Variants in LRFN1 observed in about 807,000 individuals in gnomAD.
The protein encoded by LRFN1 is leucine-rich repeat and fibronectin type III domain-containing protein 1.
Under a neutral mutation model 31.8 loss-of-function variants are expected in LRFN1, and 20 were observed. The observed-to-expected ratio is 0.63, with a 90% CI of 0.44 to 0.91. The LOEUF (loss-of-function observed/expected upper bound fraction) is 0.91. Ranked by LOEUF, LRFN1 falls within the 40% of genes least tolerant of loss-of-function variation. LRFN1 has a pLI of 0.00. For missense variants in LRFN1, 912 were observed against 1,129.8 expected (o/e 0.81, Z 2.76); for synonymous variants, 514 against 541.3 (o/e 0.95, Z 0.70).
Position 39,315,518 on chromosome 19 carries a change from A to G in LRFN1, c.-37-145T>C, listed in dbSNP as rs2075169379. On this transcript the variant is annotated intron_variant, in intron 3 of 4. Transcript: ENST00000248668. The surrounding 1 kb of genome is among the most constrained non-coding windows in gnomAD (Gnocchi z 4.7). The stretch of plus-strand genomic sequence containing the variant: ...AGGAAGCCACTATCAGCTATTAACA[A>G]CAGATTACAACACTTCCATGCTGGG... 3 of 552,760 alleles carry G rather than the reference A, an allele frequency of 5.4e-6. No homozygotes were observed. Among genetic ancestry groups the G allele is most frequent in the Non-Finnish European group, 9.4e-6 (3 of 319,658 alleles). 34.2% of individuals were successfully genotyped at this position (552,760 alleles called of 1,614,324 possible). A position where few individuals can be genotyped will look rare whatever the true frequency, so the allele number is the denominator to read the frequency against.
Position 39,307,668 on chromosome 19 carries a change from T to G in LRFN1, c.2281A>C (p.Thr761Pro). ...CTCTCCAGCATCCACTCGGTGCTGG[T>G]GAAAGCCAGGCACGCCCTGGCGGAG... Reference protein sequence around the residue: ...LGSARACLAFTSTEWMLESTV With the variant: ...LGSARACLAFPSTEWMLESTV Residue 761 changes from threonine to proline, a missense_variant, in exon 5 of 5, where the codon ACC becomes CCC. Physicochemically the swap from Thr to Pro is conservative, Grantham distance 38. Coordinates refer to ENST00000248668, the MANE Select transcript of LRFN1 (RefSeq NM_020862.2). This position sits in a 1 kb window ranked among gnomAD's most constrained non-coding sequence, Gnocchi z 6.7. 1 of 1,494,098 alleles carries G rather than the reference T, an allele frequency of 6.7e-7. No homozygotes were observed. Among genetic ancestry groups the G allele is most frequent in the Non-Finnish European group, 8.8e-7 (1 of 1,130,520 alleles). 92.6% of individuals were successfully genotyped at this position (1,494,098 alleles called of 1,614,324 possible). A position where few individuals can be genotyped will look rare whatever the true frequency, so the allele number is the denominator to read the frequency against.
chr19:39,311,246 G>A (rs752504945), intron 4 of LRFN1, among the ~76,000 whole-genome samples: 34 of 152,188 alleles, frequency 2.2e-4, no homozygotes, highest in Non-Finnish European at 4.6e-4. Flanking sequence ...TAACCCCTGC[G>A]GCACCATAGC....
At chr19:39,310,355 G>A (rs2075146480) in intron 4 of LRFN1, among the ~76,000 whole-genome samples, 1 of 152,224 alleles carries the variant, frequency 6.6e-6, no homozygotes, top group Non-Finnish European at 1.5e-5. Context: ...GAATGAATGA[G>A]TTAACACAGC....
Position 39,307,951 on chromosome 19 carries a change from C to G in LRFN1, c.1998G>C (p.Ala666=), listed in dbSNP as rs748905761. The G allele has an allele frequency of 3.2e-6, 5 of 1,566,612 alleles. No homozygotes were observed. In the African/African-American group the frequency reaches 5.5e-5, roughly 17 times the overall value. Residue 666 remains alanine, a synonymous_variant, in exon 5 of 5, where the codon GCG becomes GCC. Transcript: ENST00000248668. This position sits in a 1 kb window ranked among gnomAD's most constrained non-coding sequence, Gnocchi z 6.7. ...CGGATCGGCTCCTTCGAGGGCCCAC[C>G]GCGGCCCGAGACTCCTCCCCGGAAG... The part of the protein sequence containing the change: ...EETSGEESRA[A]VGPRRSRSGA...
chr19:39,308,256 C>G lies in LRFN1; in HGVS notation c.1693G>C (p.Gly565Arg), dbSNP rs760567296. The change falls in exon 5 of 5, where the codon GGG becomes CGG. Residue 565 changes from glycine to arginine, a missense_variant. Coordinates refer to ENST00000248668, the MANE Select transcript of LRFN1 (RefSeq NM_020862.2). This position sits in a 1 kb window ranked among gnomAD's most constrained non-coding sequence, Gnocchi z 6.2. ...LMIRYKVYGD[G>R]DSRRVKGSRS... ...GAGCCCTTGACGCGGCGGCTGTCCC[C>G]GTCGCCATACACCTTATAGCGGATC... 2 of 1,612,810 alleles carry G rather than the reference C, an allele frequency of 1.2e-6. No homozygotes were observed. The highest frequency in any genetic ancestry group is 2.2e-5 in the East Asian group (1 of 44,848).
chr19:39,320,016 GC>G (rs1041963411), intron 1 of LRFN1, among the ~76,000 whole-genome samples: 1 of 150,528 alleles, frequency 6.6e-6, no homozygotes, highest in African/African-American at 2.4e-5. Context: ...CCGGGTCTTC[GC>G]CCCCCAACCC....
chr19:39,310,209 C>G (rs988130467), intron 4 of LRFN1, among the ~76,000 whole-genome samples: 1 of 152,210 alleles, frequency 6.6e-6, no homozygotes, highest in Non-Finnish European at 1.5e-5. Context: ...CCATCCGCCT[C>G]GATCTCCCAA....
rs1600484366 is a variant in LRFN1 at position 39,314,448 on chromosome 19, C to G, written c.889G>C (p.Glu297Gln). ...WSIPEEEFLC[E>Q]PPLITRQAGG... ...GCCTGCCGTGTGATCAGCGGGGGCT[C>G]ACACAGGAACTCCTCCTCGGGGATG... Residue 297 changes from glutamate (E) to glutamine (Q), a missense_variant, in exon 4 of 5, where the codon GAG becomes CAG. Coordinates refer to ENST00000248668, the MANE Select transcript of LRFN1 (RefSeq NM_020862.2). The G allele has an allele frequency of 6.2e-7, 1 of 1,609,710 alleles. No homozygotes were observed. The highest frequency in any genetic ancestry group is 8.5e-7 in the Non-Finnish European group (1 of 1,179,000).
chr19:39,310,231 TAC>T (rs1169625028), intron 4 of LRFN1, among the ~76,000 whole-genome samples: 1 of 152,220 alleles, frequency 6.6e-6, no homozygotes, highest in Non-Finnish European at 1.5e-5. Context: ...GTGCTGGGAT[TAC>T]AGTCATGAAC....
At chr19:39,311,379 T>G (rs1472501679) in intron 4 of LRFN1, among the ~76,000 whole-genome samples, 1 of 152,032 alleles carries the variant, frequency 6.6e-6, no homozygotes, top group Non-Finnish European at 1.5e-5. Flanking sequence ...ATGCAGGGTC[T>G]GGGGGCTTGT....
chr19:39,310,862 C>A (rs1368173541), intron 4 of LRFN1, among the ~76,000 whole-genome samples: 6 of 152,182 alleles, frequency 3.9e-5, no homozygotes, highest in African/African-American at 1.4e-4. Context: ...CCAAGAGCCA[C>A]CCTCCCACCA....
Position 39,307,766 on chromosome 19 carries a change from C to T in LRFN1, c.2183G>A (p.Arg728His). The stretch of plus-strand genomic sequence containing the variant: ...GTCCAGGTGCGGCGTGGACCGGTGG[C>T]GCTTTGTCCGCCGGGCGCGGCGCGG... ...SYPRRARRTK[R>H]HRSTPHLDGA... The change falls in exon 5 of 5, where the codon CGC (arginine) becomes CAC (histidine). Residue 728 changes from arginine to histidine, a missense_variant. Around this residue, in one of 2 missense-constraint regions of LRFN1, gnomAD observed 511 missense variants for 557.0 expected, o/e 0.92. Coordinates refer to ENST00000248668, the MANE Select transcript of LRFN1 (RefSeq NM_020862.2). This position sits in a 1 kb window ranked among gnomAD's most constrained non-coding sequence, Gnocchi z 6.7. The T allele has an allele frequency of 1.3e-6, 2 of 1,488,044 alleles. No homozygotes were observed. The highest frequency in any genetic ancestry group is 1.5e-5 in the African/African-American group (1 of 68,842). 92.2% of individuals were successfully genotyped at this position (1,488,044 alleles called of 1,614,324 possible). A position where few individuals can be genotyped will look rare whatever the true frequency, so the allele number is the denominator to read the frequency against.
In LRFN1 at chr19:39,308,561, T is replaced by C. The variant is rs764361611; in HGVS notation, c.1407-19A>G. The C allele has an allele frequency of 4.5e-6, 6 of 1,336,604 alleles. No individual in the cohort carries two copies. Among genetic ancestry groups the C allele is most frequent in the Non-Finnish European group, 6.3e-6 (6 of 959,500 alleles). The allele number at this position is 1,336,604 out of a possible 1,614,324, so 82.8% of individuals were successfully genotyped here. A position where few individuals can be genotyped will look rare whatever the true frequency, so the allele number is the denominator to read the frequency against. On this transcript the variant is annotated intron_variant, in intron 4 of 4. Coordinates refer to ENST00000248668, the MANE Select transcript of LRFN1 (RefSeq NM_020862.2). The surrounding 1 kb of genome is among the most constrained non-coding windows in gnomAD (Gnocchi z 6.2). Reference sequence around the variant, plus strand: ...GATCATCCTGTAGGAGGGGGCGGGTTCAGGGCGGGGTTAGTCCCCCCGAAC... The same window carrying C: ...GATCATCCTGTAGGAGGGGGCGGGTCCAGGGCGGGGTTAGTCCCCCCGAAC...
Position 39,307,533 on chromosome 19 carries a change from CA to C in LRFN1, c.*99del. 4 of 1,267,524 alleles carry C rather than the reference CA, an allele frequency of 3.2e-6. No homozygotes were observed. The highest frequency in any genetic ancestry group is 4.0e-6 in the Non-Finnish European group (4 of 989,450). The allele number at this position is 1,267,524 out of a possible 1,614,324, so 78.5% of individuals were successfully genotyped here. A position where few individuals can be genotyped will look rare whatever the true frequency, so the allele number is the denominator to read the frequency against. ...ACAAGGGCGCGTCTCCACTCTGGTC[CA>C]ATGTCTTGGCGCTGCGCTTTCTCCC... On this transcript the variant is annotated 3_prime_UTR_variant, in exon 5 of 5. Transcript: ENST00000248668. The surrounding 1 kb of genome is among the most constrained non-coding windows in gnomAD (Gnocchi z 6.7).
chr19:39,311,085 T>A (rs1219182597), intron 4 of LRFN1, among the ~76,000 whole-genome samples: 2 of 152,216 alleles, frequency 1.3e-5, no homozygotes, highest in Non-Finnish European at 2.9e-5. Context: ...AGCCAGTTGC[T>A]AGGGGCTTCC....
rs1308309370 is a variant in LRFN1 at position 39,315,427 on chromosome 19, T to G, written c.-37-54A>C. The G allele has an allele frequency of 8.2e-7, 1 of 1,215,158 alleles. No homozygotes were observed. Among genetic ancestry groups the G allele is most frequent in the Admixed American group, 2.9e-5 (1 of 34,468 alleles). 75.3% of individuals were successfully genotyped at this position (1,215,158 alleles called of 1,614,324 possible). A position where few individuals can be genotyped will look rare whatever the true frequency, so the allele number is the denominator to read the frequency against. ...CGTGGGACTTGGCCGCCATGGGATGTCCTGCTACGAGTCAGGCCTGGATCC... is the reference window on the plus strand; with the variant it reads ...CGTGGGACTTGGCCGCCATGGGATGGCCTGCTACGAGTCAGGCCTGGATCC... On this transcript the variant is annotated intron_variant, in intron 3 of 4. Transcript: ENST00000248668. The surrounding 1 kb of genome is among the most constrained non-coding windows in gnomAD (Gnocchi z 4.7).
chr19:39,315,107 A>G lies in LRFN1; in HGVS notation c.230T>C (p.Ile77Thr). Residue 77 changes from isoleucine to threonine, a missense_variant, in exon 4 of 5, where the codon ATC (isoleucine) becomes ACC (threonine). Physicochemically the swap from Ile to Thr is moderately conservative, Grantham distance 89. Transcript: ENST00000248668. This position sits in a 1 kb window ranked among gnomAD's most constrained non-coding sequence, Gnocchi z 4.7. ...VVELRLTDNF[I>T]AAVRRRDFAN... ...GAAGTCTCGGCGGCGCACGGCGGCG[A>G]TGAAGTTGTCGGTGAGCCGCAGCTC... 6.3e-7 allele frequency: 1 copy of G among 1,594,080 alleles called. No homozygotes were observed.
intron 4 of LRFN1, among the ~76,000 whole-genome samples, chr19:39,311,198 G>A (rs1275759953): frequency 6.6e-6 from 1 of 152,200 alleles, no homozygotes; most frequent in Non-Finnish European, 1.5e-5. Flanking sequence ...CAGGCTTCTG[G>A]TTGGCTGCCA....
At position 39,307,641 on chromosome 19, in the gene LRFN1, T is replaced by C; in HGVS notation, c.2308A>G (p.Thr770Ala). 1 of 1,433,314 alleles carries C rather than the reference T, an allele frequency of 7.0e-7. No homozygotes were observed. The highest frequency in any genetic ancestry group is 9.1e-7 in the Non-Finnish European group (1 of 1,102,506). The allele number at this position is 1,433,314 out of a possible 1,614,324, so 88.8% of individuals were successfully genotyped here. A position where few individuals can be genotyped will look rare whatever the true frequency, so the allele number is the denominator to read the frequency against. ...FTSTEWMLESTV is the reference protein window; with the variant it reads ...FTSTEWMLESAV ...CGGCGCCCGCCCGCCGCTCACACGG[T>C]ACTCTCCAGCATCCACTCGGTGCTG... The change falls in exon 5 of 5, where the codon ACC (threonine) becomes GCC (alanine). Residue 770 changes from threonine to alanine, a missense_variant. Around this residue, in one of 2 missense-constraint regions of LRFN1, gnomAD observed 511 missense variants for 557.0 expected, o/e 0.92. Transcript: ENST00000248668. The surrounding 1 kb of genome is among the most constrained non-coding windows in gnomAD (Gnocchi z 6.7).
Sources: allele counts gnomAD v4.1 joint callset (sites outside exome capture counted in the v4.1 genomes callset), GRCh38; gene constraint gnomAD v4.1.1; regional missense constraint gnomAD v4.1.1; non-coding constraint Gnocchi (gnomAD v3.1); transcripts MANE v1.5; gene names NCBI Gene and HGNC (gene_info 2026-07-23, HGNC 2026-07-21).